Variants in IL27 observed in about 807,000 individuals in gnomAD.
The protein encoded by IL27 is interleukin-27 subunit alpha.
IL27 carries 11 observed loss-of-function variants against 27.0 expected under a neutral mutation model. That is an observed-to-expected ratio of 0.41 (90% CI 0.26 to 0.67). IL27 has a LOEUF of 0.67. IL27 is among the 30% of genes least tolerant of loss of function. The pLI is 0.34. For synonymous variants in IL27, 134 were observed against 140.6 expected, an observed-to-expected ratio of 0.95 and a Z score of 0.33; for missense variants, 299 against 310.4, an observed-to-expected ratio of 0.96 and a Z score of 0.28.
intron 3 of IL27, among the ~76,000 whole-genome samples, chr16:28,502,382 C>T (rs1480895410): frequency 6.6e-6 from 1 of 152,014 alleles, no homozygotes; most frequent in African/African-American, 2.4e-5. Context: ...TAACCCACCC[C>T]CTCTCAGTCC....
At chr16:28,501,782 C>T (rs2046432779) in intron 4 of IL27, among the ~76,000 whole-genome samples, 194 bp downstream of exon 4, 2 of 151,798 alleles carry the variant, frequency 1.3e-5, no homozygotes, top group Admixed American at 1.3e-4. Context: ...CATGGACCCA[C>T]ACAGTCACAC....
chr16:28,503,844 C>T (rs2046447302), intron 2 of IL27, 34 bp downstream of exon 2: 2 of 1,613,104 alleles, frequency 1.2e-6, no homozygotes, highest in Admixed American at 1.7e-5. Flanking sequence ...GGGGTCTGCC[C>T]ATCTCCAGCG....
intron 3 of IL27, 90 bp downstream of exon 3, chr16:28,503,605 T>A (rs2046445437): frequency 1.1e-6 from 1 of 895,364 alleles, no homozygotes; most frequent in African/African-American, 1.7e-5. Flanking sequence ...CTATCCCCAA[T>A]GCATCTCCAG....
At chr16:28,506,740 C>G (rs1567271855) in intron 1 of IL27, 41 bp downstream of exon 1, 1 of 1,603,916 alleles carries the variant, frequency 6.2e-7, no homozygotes, top group Non-Finnish European at 8.5e-7. Context: ...CATTCTCTGC[C>G]CAAACTCAAC....
chr16:28,504,102 G>A (rs2046448771), intron 1 of IL27, 52 bp from the exon 2 acceptor site: 10 of 1,521,914 alleles, frequency 6.6e-6, no homozygotes, highest in Non-Finnish European at 8.9e-6. Context: ...TGAGAAGGAA[G>A]GGAACATGCC....
Position 28,502,050 on chromosome 16 carries a change from T to C in IL27, c.388A>G (p.Thr130Ala). 1 of 1,613,566 alleles carries C rather than the reference T, an allele frequency of 6.2e-7. No individual in the cohort carries two copies. The highest frequency in any genetic ancestry group is 8.5e-7 in the Non-Finnish European group (1 of 1,179,924). ...LGGLGTQGRW[T>A]NMERMQLWAM... ...CACAGCTGCATCCTCTCCATGTTGG[T>C]CCAGCGGCCCTGGGTCCCCAGCCCT... The change falls in exon 4 of 5, where the codon ACC becomes GCC. Residue 130 changes from threonine (T) to alanine (A), a missense_variant. Coordinates refer to ENST00000356897, the MANE Select transcript of IL27 (RefSeq NM_145659.3).
At chr16:28,504,345 G>A (rs1203030126) in intron 1 of IL27, among the ~76,000 whole-genome samples, 2 of 152,124 alleles carry the variant, frequency 1.3e-5, no homozygotes, top group Non-Finnish European at 2.9e-5. Flanking sequence ...GGGCGTGGTG[G>A]TGCATGCCTG....
Position 28,499,836 on chromosome 16 carries a change from CT to C in IL27, c.546del (p.Ala184HisfsTer56). The C allele has an allele frequency of 6.4e-7, 1 of 1,573,482 alleles. No individual in the cohort carries two copies. The highest frequency in any genetic ancestry group is 8.6e-7 in the Non-Finnish European group (1 of 1,159,766). On this transcript the variant is annotated frameshift_variant, in exon 5 of 5. Coordinates refer to ENST00000356897, the MANE Select transcript of IL27 (RefSeq NM_145659.3). LOFTEE classifies it high-confidence loss of function. ...EEEEERKGLL[P>X]GALGSALQGP... ...CCCTGTAAGGCGCTGCCCAGTGCCC[CT>C]GGGAGCAGCCCCTTCCTCTCCTCCT...
chr16:28,499,966 T>G lies in IL27; in HGVS notation c.463-46A>C. 3 of 1,495,224 alleles carry G rather than the reference T, an allele frequency of 2.0e-6. No individual in the cohort carries two copies. In the South Asian group the frequency reaches 3.9e-5, roughly 19 times the overall value. 92.6% of individuals were successfully genotyped at this position (1,495,224 alleles called of 1,614,324 possible). A position where few individuals can be genotyped will look rare whatever the true frequency, so the allele number is the denominator to read the frequency against. On this transcript the variant is annotated intron_variant, in intron 4 of 4. Transcript: ENST00000356897. The stretch of plus-strand genomic sequence containing the variant: ...TCAGGGAGGGGCCAGGCCGAGAACC[T>G]GAGAGGAATCCTCATTCCCTATTCA...
At chr16:28,504,339 G>A (rs1349289629) in intron 1 of IL27, among the ~76,000 whole-genome samples, 2 of 152,096 alleles carry the variant, frequency 1.3e-5, no homozygotes, top group Admixed American at 6.6e-5. Flanking sequence ...TTAGTTGGGC[G>A]TGGTGGTGCA....
intron 1 of IL27, 79 bp downstream of exon 1, chr16:28,506,702 C>T: frequency 6.5e-6 from 9 of 1,391,770 alleles, no homozygotes; most frequent in Non-Finnish European, 8.9e-6. Flanking sequence ...CAGCTCTCGA[C>T]CCCCCATCTG....
Position 28,499,823 on chromosome 16 carries a change from C to T in IL27, c.560G>A (p.Ser187Asn), listed in dbSNP as rs1268259601. ...CACCTGGGCCGGGCCCTGTAAGGCG[C>T]TGCCCAGTGCCCCTGGGAGCAGCCC... ...RKGLLPGALGSALQGPAQVSW... is the reference protein window; with the variant it reads ...RKGLLPGALGNALQGPAQVSW... The change falls in exon 5 of 5, where the codon AGC becomes AAC. Residue 187 changes from serine to asparagine, a missense_variant. Ser to Asn is a conservative substitution (Grantham distance 46). Transcript: ENST00000356897. 8 of 1,588,122 alleles carry T rather than the reference C, an allele frequency of 5.0e-6. No homozygotes were observed. Among genetic ancestry groups the T allele is most frequent in the South Asian group, 3.4e-5 (3 of 87,556 alleles).
chr16:28,501,885 T>TCA lies in IL27; in HGVS notation c.462+89_462+90dup, dbSNP rs942309183. The stretch of plus-strand genomic sequence containing the variant: ...CTCAGTCACACTCACACTCTCACAC[T>TCA]CACACACACTCAGAGCATGGGATCA... On this transcript the variant is annotated intron_variant, in intron 4 of 4. Transcript: ENST00000356897. The TCA allele has an allele frequency of 3.1e-5, 44 of 1,430,130 alleles. No individual in the cohort carries two copies. The African/African-American group carries it at 5.4e-4, about 18-fold the overall frequency. 88.6% of individuals were successfully genotyped at this position (1,430,130 alleles called of 1,614,324 possible).
At chr16:28,503,592 G>A in intron 3 of IL27, 103 bp downstream of exon 3, 1 of 802,980 alleles carries the variant, frequency 1.2e-6, no homozygotes, top group Non-Finnish European at 2.0e-6. Context: ...CCTTATCCAG[G>A]TTCTATCCCC....
intron 4 of IL27, 43 bp from the exon 5 acceptor site, chr16:28,499,963 A>G: frequency 2.7e-6 from 4 of 1,496,980 alleles, no homozygotes; most frequent in Non-Finnish European, 3.6e-6. Context: ...CAGGCCGAGA[A>G]CCTGAGAGGA....
rs546638568 is a variant in IL27, at chr16:28,499,874, T to C, written c.509A>G (p.Glu170Gly). Residue 170 changes from glutamate (E) to glycine (G), a missense_variant, in exon 5 of 5, where the codon GAG becomes GGG. Glu to Gly is a moderately conservative substitution (Grantham distance 98, BLOSUM62 -2). Transcript: ENST00000356897. ...CTTCCTCTCCTCCTCCTCCTCCTCC[T>C]CTTCCTCCTCCTCCTCCTCCGGGAG... is the stretch of plus-strand genomic sequence containing the variant. ...FNLPEEEEEEEEEEEEERKGL... is the reference protein window; with the variant it reads ...FNLPEEEEEEGEEEEEERKGL... The C allele has an allele frequency of 1.3e-6, 2 of 1,553,882 alleles. No homozygotes were observed. The highest frequency in any genetic ancestry group is 2.4e-5 in the South Asian group (2 of 84,250).
chr16:28,503,371 T>C (rs2046444257), intron 3 of IL27, among the ~76,000 whole-genome samples: 1 of 152,144 alleles, frequency 6.6e-6, no homozygotes, highest in Non-Finnish European at 1.5e-5. Flanking sequence ...CATGTCAGCC[T>C]CCTGAGTAGC....
chr16:28,503,169 G>T (rs2046443153), intron 3 of IL27, among the ~76,000 whole-genome samples: 1 of 152,078 alleles, frequency 6.6e-6, no homozygotes, highest in African/African-American at 2.4e-5. Flanking sequence ...TGTTGGCCAG[G>T]CTGGTCTTGA....
At chr16:28,501,621 CCA>C (rs2046430854) in intron 4 of IL27, among the ~76,000 whole-genome samples, 1 of 148,714 alleles carries the variant, frequency 6.7e-6, no homozygotes, top group African/African-American at 2.5e-5. Flanking sequence ...TCACACAGAC[CCA>C]CACACTCACT....
Sources: allele counts gnomAD v4.1 joint callset (sites outside exome capture counted in the v4.1 genomes callset), GRCh38; gene constraint gnomAD v4.1.1; transcripts MANE v1.5; gene names NCBI Gene and HGNC (gene_info 2026-07-23, HGNC 2026-07-21).